Variants in TJP3 observed in about 807,000 individuals in gnomAD.
The protein encoded by TJP3 is tight junction protein 3, also known as tight junction protein ZO-3.
TJP3 carries 85 observed loss-of-function variants against 104.2 expected under a neutral mutation model. The ratio of observed to expected loss-of-function variants is 0.82; its 90% CI spans 0.68 to 0.98. TJP3 has a LOEUF of 0.98. TJP3 is among the 50% of genes least tolerant of loss of function. The probability of loss-of-function intolerance (pLI) is 0.00; values close to 1 mark genes in which losing one functional copy is unlikely to be tolerated. For synonymous variants in TJP3, 550 were observed against 550.6 expected, an observed-to-expected ratio of 1.00 and a Z score of 0.02; for missense variants, 1,367 against 1,322.8, an observed-to-expected ratio of 1.03 and a Z score of -0.52.
chr19:3,746,357 A>G lies in TJP3; in HGVS notation c.2011-128A>G, dbSNP rs2036887700. 5 of 1,061,988 alleles carry G rather than the reference A, an allele frequency of 4.7e-6. No homozygotes were observed. The Middle Eastern group carries it at 7.0e-4, about 150-fold the overall frequency. 65.8% of individuals were successfully genotyped at this position (1,061,988 alleles called of 1,614,324 possible). ...TGGGCTGTTACCACCCCCATCCCCAACTTGCTAGCCTGTGGATGTGAGAGG... is the reference window on the plus strand; with the variant it reads ...TGGGCTGTTACCACCCCCATCCCCAGCTTGCTAGCCTGTGGATGTGAGAGG... On this transcript the variant is annotated intron_variant, in intron 16 of 20. Coordinates refer to ENST00000541714, the MANE Select transcript of TJP3 (RefSeq NM_001267560.2). This position sits in a 1 kb window ranked among gnomAD's most constrained non-coding sequence, Gnocchi z 4.1.
intron 6 of TJP3, 86 bp downstream of exon 6, chr19:3,732,124 C>A: frequency 9.3e-7 from 1 of 1,079,534 alleles, no homozygotes; most frequent in Non-Finnish European, 1.3e-6. Flanking sequence ...GCAAGGACAG[C>A]AGAACTGGGC....
intron 1 of TJP3, among the ~76,000 whole-genome samples, chr19:3,722,885 C>G (rs1462170123): frequency 1.0e-5 from 1 of 100,350 alleles, no homozygotes; most frequent in Admixed American, 1.2e-4. Flanking sequence ...GGACGGCGGC[C>G]CGGGAGCCCC....
chr19:3,731,985 T>C lies in TJP3; in HGVS notation c.664T>C (p.Ser222Pro). 6.2e-7 allele frequency: 1 copy of C among 1,613,686 alleles called. No individual in the cohort carries two copies. Among genetic ancestry groups the C allele is most frequent in the Non-Finnish European group, 8.5e-7 (1 of 1,179,878 alleles). ...GATCTTCATCAAGCACATTACAGAT[T>C]CGGGCCTGGCTGCCCGGCACCGTGG... ...SQIFIKHITDSGLAARHRGLQ... is the reference protein window; with the variant it reads ...SQIFIKHITDPGLAARHRGLQ... The change falls in exon 6 of 21, where the codon TCG becomes CCG. Residue 222 changes from serine (S) to proline (P), a missense_variant. Coordinates refer to ENST00000541714, the MANE Select transcript of TJP3 (RefSeq NM_001267560.2).
At chr19:3,739,747 C>T (rs1278610104) in intron 13 of TJP3, among the ~76,000 whole-genome samples, 3 of 152,182 alleles carry the variant, frequency 2.0e-5, no homozygotes, top group Admixed American at 1.3e-4. Context: ...ACCAATTTTC[C>T]ACCTTTCCCA....
At position 3,730,863 on chromosome 19, in the gene TJP3, T is replaced by G. The variant is rs532421162; in HGVS notation, c.613+157T>G. On this transcript the variant is annotated intron_variant, in intron 5 of 20. Coordinates refer to ENST00000541714, the MANE Select transcript of TJP3 (RefSeq NM_001267560.2). The surrounding 1 kb of genome is among the most constrained non-coding windows in gnomAD (Gnocchi z 7.3). ...GCCTGGCTAATTTTTGTACTTTTGGTAGAGATGGGGCTTCACCATGTTGGC... is the reference window on the plus strand; with the variant it reads ...GCCTGGCTAATTTTTGTACTTTTGGGAGAGATGGGGCTTCACCATGTTGGC... 6.6e-6 allele frequency among the ~76,000 whole-genome samples: 1 copy of G among 152,280 alleles called. No homozygotes were observed. The highest frequency in any genetic ancestry group is 6.5e-5 in the Admixed American group (1 of 15,292).
intron 1 of TJP3, among the ~76,000 whole-genome samples, chr19:3,713,752 C>G (rs922775896): frequency 6.6e-6 from 1 of 151,982 alleles, no homozygotes. Flanking sequence ...CTCGCTCTGT[C>G]GCCCAGGCTC....
chr19:3,736,084 G>A (rs2036735126), intron 10 of TJP3, 81 bp from the exon 11 acceptor site: 4 of 1,569,990 alleles, frequency 2.5e-6, no homozygotes, highest in South Asian at 1.2e-5. Context: ...TGGAGGGGGT[G>A]GGGGCTTTCC....
At chr19:3,715,214 C>T (rs1402482522) in intron 1 of TJP3, among the ~76,000 whole-genome samples, 4 of 151,690 alleles carry the variant, frequency 2.6e-5, no homozygotes, top group East Asian at 1.9e-4. Context: ...CTCAGCCTCC[C>T]GAGTAGCTGG....
intron 11 of TJP3, 83 bp downstream of exon 11, chr19:3,736,404 C>T: frequency 7.4e-7 from 1 of 1,359,838 alleles, no homozygotes; most frequent in Non-Finnish European, 9.5e-7. Flanking sequence ...CCAGTCCTCC[C>T]CTTGGGTCCA....
At chr19:3,715,418 T>G (rs770087505) in intron 1 of TJP3, among the ~76,000 whole-genome samples, 16 of 152,096 alleles carry the variant, frequency 1.1e-4, no homozygotes, top group Non-Finnish European at 2.2e-4. Flanking sequence ...ATTAAGGTGA[T>G]CCGAAGGTCA....
intron 15 of TJP3, among the ~76,000 whole-genome samples, chr19:3,744,863 G>C (rs2036865849): frequency 6.6e-6 from 1 of 152,082 alleles, no homozygotes. Flanking sequence ...AGGAGGCGGA[G>C]GGTGCAGTGA....
In TJP3 at chr19:3,730,111, G is replaced by A; in HGVS notation, c.242G>A (p.Cys81Tyr). ...TTTGCCATTCAGATACTCAAGACCT[G>A]CACCAAGATGGCCAACATCGTGAGT... is the stretch of plus-strand genomic sequence containing the variant. ...SAFAIQILKTCTKMANITVKR... is the reference protein window; with the variant it reads ...SAFAIQILKTYTKMANITVKR... Residue 81 changes from cysteine (C) to tyrosine (Y), a missense_variant, in exon 4 of 21, where the codon TGC (cysteine) becomes TAC (tyrosine). Transcript: ENST00000541714. The surrounding 1 kb of genome is among the most constrained non-coding windows in gnomAD (Gnocchi z 7.3). 2 of 1,614,116 alleles carry A rather than the reference G, an allele frequency of 1.2e-6. No individual in the cohort carries two copies. Among genetic ancestry groups the A allele is most frequent in the Non-Finnish European group, 1.7e-6 (2 of 1,180,018 alleles).
chr19:3,717,108 G>A (rs1258082393), intron 1 of TJP3, among the ~76,000 whole-genome samples: 1 of 146,512 alleles, frequency 6.8e-6, no homozygotes. Context: ...TGGGATTACA[G>A]GCATGTGCCA....
At chr19:3,713,864 C>T (rs1315320075) in intron 1 of TJP3, among the ~76,000 whole-genome samples, 11 of 150,670 alleles carry the variant, frequency 7.3e-5, no homozygotes, top group Middle Eastern at 3.4e-3. Context: ...TACAGGCGCC[C>T]GCCAACATGC....
At position 3,740,667 on chromosome 19, in the gene TJP3, G is replaced by C; in HGVS notation, c.1747G>C (p.Gly583Arg). 1 of 1,607,854 alleles carries C rather than the reference G, an allele frequency of 6.2e-7. No individual in the cohort carries two copies. Among genetic ancestry groups the C allele is most frequent in the Non-Finnish European group, 8.5e-7 (1 of 1,177,754 alleles). Residue 583 changes from glycine (G) to arginine (R), a missense_variant, in exon 14 of 21, where the codon GGA (glycine) becomes CGA (arginine). Transcript: ENST00000541714. ...EFWRLRGLRR[G>R]AKKTTQRSRE... is the part of the protein sequence containing the mutation. ...CTGGCGGCTGCGGGGTCTTCGTCGA[G>C]GAGCCAAGAAGACCACTCAGCGGAG... is the stretch of plus-strand genomic sequence containing the variant.
At chr19:3,714,272 ACTC>A (rs1362697029) in intron 1 of TJP3, among the ~76,000 whole-genome samples, 1 of 149,944 alleles carries the variant, frequency 6.7e-6, no homozygotes, top group Non-Finnish European at 1.5e-5. Context: ...TTGGTCTCAA[ACTC>A]CTGACCTCAT....
chr19:3,742,269 A>G (rs1252443801), intron 14 of TJP3, among the ~76,000 whole-genome samples: 1 of 151,962 alleles, frequency 6.6e-6, no homozygotes, highest in East Asian at 1.9e-4. Context: ...CTCTGTCTCT[A>G]CAAAATAAAA....
In TJP3 at chr19:3,734,351, T is replaced by G; in HGVS notation, c.902T>G (p.Leu301Arg). The change falls in exon 8 of 21, where the codon CTA (leucine) becomes CGA (arginine). Residue 301 changes from leucine (L) to arginine (R), a missense_variant. Leu to Arg is a moderately radical substitution (Grantham distance 102). Transcript: ENST00000541714. ...GACATCTCGGACCTCGCCTCGGAGC[T>G]ATCGCAGGCACCACCATCCCACATC... ...LEDISDLASELSQAPPSHIPP... is the reference protein window; with the variant it reads ...LEDISDLASERSQAPPSHIPP... The G allele has an allele frequency of 6.2e-7, 1 of 1,613,778 alleles. No homozygotes were observed. Among genetic ancestry groups the G allele is most frequent in the Non-Finnish European group, 8.5e-7 (1 of 1,180,010 alleles).
At position 3,728,705 on chromosome 19, in the gene TJP3, C is replaced by T. The variant is rs1260959982; in HGVS notation, c.150C>T (p.Gly50=). ...SDVVPGGPAE[G]RLQTGDHIVM... ...TGGTACCTGGAGGGCCGGCGGAGGGCAGGCTACAGTGAGTATCCAGGCAGC... is the reference window on the plus strand; with the variant it reads ...TGGTACCTGGAGGGCCGGCGGAGGGTAGGCTACAGTGAGTATCCAGGCAGC... Residue 50 remains glycine (G), a synonymous_variant, in exon 3 of 21, where the codon GGC becomes GGT. Coordinates refer to ENST00000541714, the MANE Select transcript of TJP3 (RefSeq NM_001267560.2). 6.2e-7 allele frequency: 1 copy of T among 1,613,378 alleles called. No individual in the cohort carries two copies. Among genetic ancestry groups the T allele is most frequent in the Non-Finnish European group, 8.5e-7 (1 of 1,179,950 alleles).
Sources: gnomAD v4.1 joint callset for allele counts (sites outside exome capture counted in the v4.1 genomes callset) on GRCh38, gnomAD v4.1.1 for gene constraint, Gnocchi (gnomAD v3.1) non-coding constraint, MANE v1.5 for transcripts, NCBI Gene and HGNC (gene_info 2026-07-23, HGNC 2026-07-21) for gene names.